The following SEMA3D variants were observed in gnomAD, a reference collection of about 807,000 sequenced individuals.
SEMA3D encodes semaphorin 3D.
SEMA3D carries 84 observed loss-of-function variants against 100.1 expected under a neutral mutation model. That is an observed-to-expected ratio of 0.84 (90% CI 0.70 to 1.01). SEMA3D has a LOEUF of 1.01. Ranked by LOEUF, SEMA3D falls within the 50% of genes least tolerant of loss-of-function variation. The pLI, the probability that SEMA3D is intolerant of heterozygous loss-of-function variation, is 0.00. For synonymous variants in SEMA3D, 312 were observed against 320.7 expected, an observed-to-expected ratio of 0.97 and a Z score of 0.29; for missense variants, 875 against 934.1, an observed-to-expected ratio of 0.94 and a Z score of 0.82.
chr7:85,089,088 C>T (rs1490642553), intron 4 of SEMA3D, among the ~76,000 whole-genome samples: 1 of 152,076 alleles, frequency 6.6e-6, no homozygotes, highest in African/African-American at 2.4e-5. Flanking sequence ...ATGTGAGTCC[C>T]TACTGCATCG....
intron 8 of SEMA3D, among the ~76,000 whole-genome samples, chr7:85,061,591 C>T (rs906731823): frequency 1.3e-5 from 2 of 152,154 alleles, no homozygotes; most frequent in East Asian, 3.9e-4. Context: ...CAGATGACTC[C>T]ATTGACTTTG....
chr7:85,129,438 G>A (rs1789663441), intron 2 of SEMA3D, among the ~76,000 whole-genome samples: 1 of 151,996 alleles, frequency 6.6e-6, no homozygotes, highest in Non-Finnish European at 1.5e-5. Context: ...TTATGTCAAA[G>A]GAGGAAAAAT....
chr7:85,171,788 A>T (rs1214564135), intron 1 of SEMA3D, among the ~76,000 whole-genome samples: 1 of 152,090 alleles, frequency 6.6e-6, no homozygotes, highest in African/African-American at 2.4e-5. Flanking sequence ...ATAAGGAATG[A>T]GTGAATTTAT....
At chr7:85,164,821 G>A (rs1185502159) in intron 1 of SEMA3D, among the ~76,000 whole-genome samples, 1 of 152,064 alleles carries the variant, frequency 6.6e-6, no homozygotes, top group Non-Finnish European at 1.5e-5. Context: ...CAACTCCATT[G>A]TATTTGTAGC....
At chr7:85,204,347 T>TTA in the SEMA3D span, among the ~76,000 whole-genome samples, 18 of 144,164 alleles carry the variant, frequency 1.2e-4, no homozygotes. Context: ...CTAATACAGT[T>TTA]AAAAAAAAAA....
chr7:85,137,821 C>T (rs190251709), intron 2 of SEMA3D, among the ~76,000 whole-genome samples: 4 of 152,184 alleles, frequency 2.6e-5, no homozygotes, highest in Admixed American at 2.6e-4. Flanking sequence ...ATGAACACAT[C>T]CCATCTAAAT....
At chr7:85,150,823 A>T (rs1325631660) in intron 2 of SEMA3D, among the ~76,000 whole-genome samples, 1 of 152,016 alleles carries the variant, frequency 6.6e-6, no homozygotes, top group Non-Finnish European at 1.5e-5. Context: ...ATTAAGCCAC[A>T]CTGGAAAGGA....
chr7:85,124,247 G>T (rs1012369903), intron 2 of SEMA3D, among the ~76,000 whole-genome samples: 6 of 151,824 alleles, frequency 4.0e-5, no homozygotes, highest in Non-Finnish European at 7.4e-5. Context: ...GTTTCAACTT[G>T]TTAGTTAGAA....
chr7:85,157,362 A>G (rs1201928879), intron 1 of SEMA3D, among the ~76,000 whole-genome samples: 1 of 152,200 alleles, frequency 6.6e-6, no homozygotes, highest in Non-Finnish European at 1.5e-5. Context: ...AATATTAACC[A>G]AAAGATTTTT....
chr7:85,135,522 G>C (rs1249941443), intron 2 of SEMA3D, among the ~76,000 whole-genome samples: 5 of 151,928 alleles, frequency 3.3e-5, no homozygotes, highest in African/African-American at 7.2e-5. Context: ...GGGGTAGAGG[G>C]GGAGGGAAAG....
rs573515773 is a variant in SEMA3D at position 84,998,401 on chromosome 7, TTA to T, written c.*1037_*1038del. On this transcript the variant is annotated 3_prime_UTR_variant, in exon 19 of 19. Transcript: ENST00000284136. ...TCTTCCTATGATTCTTCAGAAGAATTTATGTTTCCTCAGATTTTGCTAGCAGT... is the reference window on the plus strand; with the variant it reads ...TCTTCCTATGATTCTTCAGAAGAATTTGTTTCCTCAGATTTTGCTAGCAGT... 15 of 151,844 alleles carry T rather than the reference TTA, an allele frequency of 9.9e-5. No individual in the cohort carries two copies. The South Asian group carries it at 2.5e-3, about 25-fold the overall frequency. The allele number at this position is 151,844 out of a possible 1,614,324, so 9.4% of individuals were successfully genotyped here.
At chr7:85,114,766 T>C (rs1414890684) in intron 3 of SEMA3D, among the ~76,000 whole-genome samples, 1 of 152,152 alleles carries the variant, frequency 6.6e-6, no homozygotes, top group Non-Finnish European at 1.5e-5. Flanking sequence ...TCCTTATATA[T>C]AAGAATAAGG....
chr7:85,154,650 T>C (rs369950159), intron 1 of SEMA3D, among the ~76,000 whole-genome samples: 6 of 152,154 alleles, frequency 3.9e-5, no homozygotes, highest in African/African-American at 1.4e-4. Context: ...GTAGAACAGA[T>C]TGTCTCCTTG....
chr7:85,037,233 C>T (rs985961747), intron 11 of SEMA3D, among the ~76,000 whole-genome samples, 200 bp from the exon 12 acceptor site: 1 of 152,114 alleles, frequency 6.6e-6, no homozygotes, highest in African/African-American at 2.4e-5. Flanking sequence ...ATAACTTCAT[C>T]GCCAGTAAAT....
chr7:85,050,116 C>G (rs202067699), intron 9 of SEMA3D, among the ~76,000 whole-genome samples: 1 of 128,202 alleles, frequency 7.8e-6, no homozygotes, highest in African/African-American at 2.9e-5. Flanking sequence ...CACACACACA[C>G]ACACAGAGAC....
chr7:85,159,701 C>T (rs961286279), intron 1 of SEMA3D, among the ~76,000 whole-genome samples: 11 of 152,168 alleles, frequency 7.2e-5, no homozygotes, highest in African/African-American at 2.4e-4. Flanking sequence ...ACTTAATCAT[C>T]GTAGTGCTGA....
intron 2 of SEMA3D, among the ~76,000 whole-genome samples, chr7:85,132,163 C>T (rs1418886565): frequency 6.6e-6 from 1 of 151,620 alleles, no homozygotes; most frequent in East Asian, 1.9e-4. Flanking sequence ...ACATCCATAC[C>T]AGCTTATAAA....
rs573772950 is a variant in SEMA3D at position 85,035,793 on chromosome 7, T to A, written c.1191+1096A>T. 2.6e-5 allele frequency among the ~76,000 whole-genome samples: 4 copies of A among 151,940 alleles called. No homozygotes were observed. The East Asian group carries it at 7.7e-4, about 29-fold the overall frequency. On this transcript the variant is annotated intron_variant, in intron 12 of 18. Transcript: ENST00000284136. ...TTAAAAAAATGAGTCCTGAAAATCA[T>A]ATTGTTTGAAAAAAAACATGTTTCC...
intron 3 of SEMA3D, among the ~76,000 whole-genome samples, chr7:85,113,929 AT>A (rs1315259419): frequency 2.6e-5 from 4 of 152,118 alleles, no homozygotes; most frequent in African/African-American, 9.7e-5. Flanking sequence ...AACAAAGCTA[AT>A]TTTATGCCCA....
Sources: allele counts gnomAD v4.1 joint callset (sites outside exome capture counted in the v4.1 genomes callset), GRCh38; gene constraint gnomAD v4.1.1; transcripts MANE v1.5; gene names NCBI Gene and HGNC (gene_info 2026-07-23, HGNC 2026-07-21).